NAALADL2: variants seen among roughly 807,000 people sequenced by gnomAD.
NAALADL2 encodes N-acetylated alpha-linked acidic dipeptidase like 2.
A neutral mutation model predicts 87.2 loss-of-function variants in NAALADL2; 76 were observed. The observed-to-expected ratio is 0.87, with a 90% CI of 0.72 to 1.05. The LOEUF (loss-of-function observed/expected upper bound fraction) is 1.05. Among genes scored for constraint, NAALADL2 ranks in the 50% least tolerant of loss-of-function variants. The pLI is 0.00. For missense variants in NAALADL2, 1,089 were observed against 945.8 expected (o/e 1.15, Z -1.99); for synonymous variants, 354 against 331.0 (o/e 1.07, Z -0.75).
At chr3:175,655,994 C>T (rs1731409434) in intron 11 of NAALADL2, among the ~76,000 whole-genome samples, 1 of 152,126 alleles carries the variant, frequency 6.6e-6, no homozygotes, top group Non-Finnish European at 1.5e-5. Flanking sequence ...CTGAATTTTC[C>T]ATATAAGGTG....
At chr3:175,261,643 T>G (rs1454645967) in intron 4 of NAALADL2, among the ~76,000 whole-genome samples, 1 of 152,118 alleles carries the variant, frequency 6.6e-6, no homozygotes, top group Non-Finnish European at 1.5e-5. Context: ...TATTAGTCAA[T>G]ATTAGCTAGT....
Position 175,365,258 on chromosome 3 carries a change from G to A in NAALADL2, c.1090+40933G>A, listed in dbSNP as rs1165646258. Among the ~76,000 whole-genome samples, 2 of 147,164 alleles carry A rather than the reference G, an allele frequency of 1.4e-5. 1 individual carries two copies. The highest frequency in any genetic ancestry group is 3.0e-5 in the Non-Finnish European group (2 of 66,256). Reference sequence around the variant, plus strand: ...AGATGAGTGTGTGGGCTACAGTAATGAGTTACAGCAATAATTTGTTTTTAC... The same window carrying A: ...AGATGAGTGTGTGGGCTACAGTAATAAGTTACAGCAATAATTTGTTTTTAC... On this transcript the variant is annotated intron_variant, in intron 5 of 13. Transcript: ENST00000454872.
chr3:174,945,291 TAAAG>T (rs1327094219), intron 1 of NAALADL2, among the ~76,000 whole-genome samples: 1 of 152,176 alleles, frequency 6.6e-6, no homozygotes, highest in African/African-American at 2.4e-5. Context: ...ACTTGACAGA[TAAAG>T]AAACTGAGGC....
At chr3:174,560,786 T>C (rs1415566918) in intron 2 of NAALADL2, among the ~76,000 whole-genome samples, 3 of 152,104 alleles carry the variant, frequency 2.0e-5, no homozygotes, top group Non-Finnish European at 4.4e-5. Context: ...ATCTGGTAAA[T>C]TGTGATTTTT....
At chr3:174,793,042 T>C (rs1717651272) in intron 3 of NAALADL2, among the ~76,000 whole-genome samples, 1 of 152,140 alleles carries the variant, frequency 6.6e-6, no homozygotes, top group South Asian at 2.1e-4. Flanking sequence ...AAGATTCACT[T>C]TGAGTGCATG....
At chr3:175,423,882 A>G (rs1031929973) in intron 5 of NAALADL2, among the ~76,000 whole-genome samples, 5 of 152,172 alleles carry the variant, frequency 3.3e-5, no homozygotes, top group Admixed American at 3.3e-4. Flanking sequence ...AGTCCCACCA[A>G]CAGTGTAAAA....
At chr3:174,794,499 T>C (rs1717837408) in intron 3 of NAALADL2, among the ~76,000 whole-genome samples, 1 of 152,154 alleles carries the variant, frequency 6.6e-6, no homozygotes, top group African/African-American at 2.4e-5. Context: ...TCCATTGTTA[T>C]TAAATTGCTG....
chr3:175,119,762 A>G (rs1725852910), intron 2 of NAALADL2, among the ~76,000 whole-genome samples: 1 of 142,284 alleles, frequency 7.0e-6, no homozygotes, highest in African/African-American at 2.6e-5. Context: ...TATATATAAA[A>G]CTATATATAG....
chr3:175,667,267 AAGG>A (rs1733318982), intron 11 of NAALADL2, among the ~76,000 whole-genome samples: 113 of 145,892 alleles, frequency 7.7e-4, no homozygotes, highest in African/African-American at 2.9e-3. Context: ...GAAAGAAAGG[AAGG>A]AAGGGATGGG....
chr3:174,649,503 A>C (rs1724144396), intron 2 of NAALADL2, among the ~76,000 whole-genome samples: 1 of 152,038 alleles, frequency 6.6e-6, no homozygotes, highest in Non-Finnish European at 1.5e-5. Context: ...CTTCATTTTC[A>C]ATACTCTTCC....
intron 1 of NAALADL2, among the ~76,000 whole-genome samples, chr3:175,040,627 C>T (rs1204464713): frequency 6.6e-6 from 1 of 152,148 alleles, no homozygotes; most frequent in African/African-American, 2.4e-5. Flanking sequence ...ACACTAATAA[C>T]CTTTTTTCCA....
At chr3:174,679,825 G>T (rs191716760) in intron 2 of NAALADL2, among the ~76,000 whole-genome samples, 1 of 152,150 alleles carries the variant, frequency 6.6e-6, no homozygotes, top group African/African-American at 2.4e-5. Context: ...TTGTATTCCT[G>T]CTTATGATTA....
chr3:174,899,465 A>G (rs1732039705), intron 1 of NAALADL2, among the ~76,000 whole-genome samples: 1 of 152,088 alleles, frequency 6.6e-6, no homozygotes, highest in Admixed American at 6.6e-5. Context: ...CCAGGTAGTA[A>G]GTTCTCTTGA....
At chr3:175,480,276 TTTAGG>T (rs996960806) in intron 9 of NAALADL2, among the ~76,000 whole-genome samples, 2 of 146,364 alleles carry the variant, frequency 1.4e-5, no homozygotes, top group Non-Finnish European at 3.0e-5. Context: ...CCATGAAAAT[TTTAGG>T]TCTAGTGTTA....
intron 10 of NAALADL2, among the ~76,000 whole-genome samples, chr3:175,590,457 A>G (rs1196053781): frequency 6.6e-6 from 1 of 151,964 alleles, no homozygotes; most frequent in Non-Finnish European, 1.5e-5. Context: ...AATATGGTAT[A>G]GAGGTTACTT....
intron 5 of NAALADL2, among the ~76,000 whole-genome samples, chr3:175,396,850 G>T (rs889946418): frequency 2.0e-5 from 3 of 152,048 alleles, no homozygotes; most frequent in African/African-American, 7.2e-5. Flanking sequence ...ATGTGAAGAA[G>T]GACATGTTTG....
At chr3:174,886,671 A>C (rs184962605) in intron 1 of NAALADL2, among the ~76,000 whole-genome samples, 1 of 152,204 alleles carries the variant, frequency 6.6e-6, no homozygotes, top group African/African-American at 2.4e-5. Flanking sequence ...ATACAAATAC[A>C]CTTTTCAAAG....
At chr3:175,736,883 A>T (rs1583059430) in intron 11 of NAALADL2, among the ~76,000 whole-genome samples, 1 of 152,034 alleles carries the variant, frequency 6.6e-6, no homozygotes, top group South Asian at 2.1e-4. Context: ...CAAATAAAAT[A>T]AATTGATCAT....
At chr3:174,763,501 C>T (rs1005681416) in intron 3 of NAALADL2, among the ~76,000 whole-genome samples, 6 of 143,410 alleles carry the variant, frequency 4.2e-5, no homozygotes, top group African/African-American at 8.0e-5. Flanking sequence ...GCAGGAGAAT[C>T]GCTTGAACCC....
Sources: gnomAD v4.1 joint callset for allele counts (sites outside exome capture counted in the v4.1 genomes callset) on GRCh38, gnomAD v4.1.1 for gene constraint, MANE v1.5 for transcripts, NCBI Gene and HGNC (gene_info 2026-07-23, HGNC 2026-07-21) for gene names.